Variants in SH2B3 observed in about 807,000 individuals in gnomAD.
SH2B3 encodes the protein SH2B adapter protein 3.
SH2B3 carries 43 observed loss-of-function variants against 51.9 expected under a neutral mutation model. The ratio of observed to expected loss-of-function variants is 0.83; its 90% CI spans 0.65 to 1.07. SH2B3 has a LOEUF of 1.07. Among genes scored for constraint, SH2B3 ranks in the 50% least tolerant of loss-of-function variants. SH2B3 has a pLI of 0.00. For missense variants in SH2B3, 952 were observed against 834.3 expected (o/e 1.14, Z -1.74); for synonymous variants, 396 against 376.0 (o/e 1.05, Z -0.62).
chr12:111,430,352 G>A (rs1872372376), intron 2 of SH2B3, among the ~76,000 whole-genome samples: 1 of 152,162 alleles, frequency 6.6e-6, no homozygotes, highest in Non-Finnish European at 1.5e-5. Flanking sequence ...ATGGTATCGG[G>A]GCGCTTCCTT....
At chr12:111,417,925 C>G (rs1459297175) in intron 1 of SH2B3, among the ~76,000 whole-genome samples, 194 bp from the exon 2 acceptor site, 1 of 152,194 alleles carries the variant, frequency 6.6e-6, no homozygotes, top group African/African-American at 2.4e-5. Flanking sequence ...AGTCTAGAAT[C>G]AATTCTGCCA....
intron 2 of SH2B3, among the ~76,000 whole-genome samples, chr12:111,425,758 C>T (rs575114449): frequency 4.6e-5 from 7 of 152,232 alleles, no homozygotes; most frequent in South Asian, 4.1e-4. Flanking sequence ...AGCTCAGGCC[C>T]GCGATGGGAG....
rs1269751944 is a variant in SH2B3 at position 111,449,375 on chromosome 12, C to CT, written c.*1079dup. 6.6e-6 allele frequency: 1 copy of CT among 152,184 alleles called. No individual in the cohort carries two copies. 9.4% of individuals were successfully genotyped at this position (152,184 alleles called of 1,614,324 possible). ...TATCCCACAAGTGGGTTTTAGGCTC[C>CT]TTTTTTGAGCCAAAATGGAAGCTGG... On this transcript the variant is annotated 3_prime_UTR_variant, in exon 8 of 8. Transcript: ENST00000341259.
chr12:111,422,261 A>G (rs572005052), intron 2 of SH2B3, among the ~76,000 whole-genome samples: 1 of 151,934 alleles, frequency 6.6e-6, no homozygotes, highest in African/African-American at 2.4e-5. Context: ...TTGTATTTTT[A>G]GTAGAAATGG....
chr12:111,418,534 C>T lies in SH2B3; in HGVS notation c.389C>T (p.Pro130Leu), dbSNP rs1382417061. 19 of 1,427,254 alleles carry T rather than the reference C, an allele frequency of 1.3e-5. No individual in the cohort carries two copies. The highest frequency in any genetic ancestry group is 1.6e-5 in the Non-Finnish European group (18 of 1,092,332). The allele number at this position is 1,427,254 out of a possible 1,614,324, so 88.4% of individuals were successfully genotyped here. A position where few individuals can be genotyped will look rare whatever the true frequency, so the allele number is the denominator to read the frequency against. The change falls in exon 2 of 8, where the codon CCC (proline) becomes CTC (leucine). Residue 130 changes from proline (P) to leucine (L), a missense_variant. Pro to Leu is a moderately conservative substitution (Grantham distance 98, BLOSUM62 -3). Transcript: ENST00000341259. The surrounding 1 kb of genome is among the most constrained non-coding windows in gnomAD (Gnocchi z 6.7). ...SSEELAPPRP[P>L]GPCSFQHFRR... ...GAGGAGCTGGCCCCGCCGCGGCCGC[C>T]CGGGCCCTGCTCCTTCCAGCACTTT...
At chr12:111,419,367 T>TG (rs1375307589) in intron 2 of SH2B3, among the ~76,000 whole-genome samples, 1 of 152,030 alleles carries the variant, frequency 6.6e-6, no homozygotes, top group Non-Finnish European at 1.5e-5. Context: ...CCAGGTGCAG[T>TG]GGGTCACGCC....
rs1442445134 is a variant in SH2B3 at position 111,446,746 on chromosome 12, C to T, written c.733-7C>T. The T allele has an allele frequency of 7.2e-6, 11 of 1,517,614 alleles. No individual in the cohort carries two copies. In the Admixed American group the frequency reaches 8.4e-5, roughly 12 times the overall value. The allele number at this position is 1,517,614 out of a possible 1,614,324, so 94.0% of individuals were successfully genotyped here. A position where few individuals can be genotyped will look rare whatever the true frequency, so the allele number is the denominator to read the frequency against. On this transcript the variant is annotated splice_region_variant and splice_polypyrimidine_tract_variant and intron_variant, in intron 2 of 7. Coordinates refer to ENST00000341259, the MANE Select transcript of SH2B3 (RefSeq NM_005475.3). ...CAAGCCTTGAGTACCCCAACTTGGT[C>T]TCGTAGAGTTCAAGGCCCAAGCTAC... is the stretch of plus-strand genomic sequence containing the variant.
At chr12:111,427,888 G>A (rs1012415302) in intron 2 of SH2B3, among the ~76,000 whole-genome samples, 4 of 152,232 alleles carry the variant, frequency 2.6e-5, no homozygotes, top group African/African-American at 7.2e-5. Flanking sequence ...GGGTAGCTGC[G>A]CCATTAGGCC....
At chr12:111,414,969 T>C (rs1870974733) in intron 1 of SH2B3, among the ~76,000 whole-genome samples, 1 of 152,164 alleles carries the variant, frequency 6.6e-6, no homozygotes, top group African/African-American at 2.4e-5. Flanking sequence ...CGTGTCCCCC[T>C]TTGTAATGTG....
chr12:111,443,020 C>G (rs547033882), intron 2 of SH2B3, among the ~76,000 whole-genome samples: 8 of 152,370 alleles, frequency 5.3e-5, no homozygotes, highest in Admixed American at 3.9e-4. Context: ...CATCCTGGCC[C>G]TATAAATGTT....
At chr12:111,419,040 A>G (rs981865868) in intron 2 of SH2B3, among the ~76,000 whole-genome samples, 163 bp downstream of exon 2, 2 of 152,316 alleles carry the variant, frequency 1.3e-5, no homozygotes, top group South Asian at 2.1e-4. Context: ...GCCGAGTGCA[A>G]TGGCTTATGC....
chr12:111,447,007 T>G lies in SH2B3; in HGVS notation c.900T>G (p.Ala300=). The change falls in exon 4 of 8, where the codon GCT becomes GCG. Residue 300 remains alanine, a synonymous_variant. Coordinates refer to ENST00000341259, the MANE Select transcript of SH2B3 (RefSeq NM_005475.3). ...AGCAGCAGCTGAATTCATGGATGGC[T>G]GAGCTCTCGGAGTGCACAGGCCGAG... ...GDEQQLNSWM[A]ELSECTGRGL... is the part of the protein sequence containing the mutation. 6.2e-7 allele frequency: 1 copy of G among 1,614,070 alleles called. No homozygotes were observed.
intron 2 of SH2B3, among the ~76,000 whole-genome samples, chr12:111,439,792 G>A (rs918809012): frequency 6.6e-6 from 1 of 152,218 alleles, no homozygotes; most frequent in African/African-American, 2.4e-5. Flanking sequence ...TGGGACAGAT[G>A]GCAGTTTTTG....
rs3184504 is a variant in SH2B3, at chr12:111,446,804, T to C, written c.784T>C (p.Trp262Arg). The C allele has an allele frequency of 0.58, 912,130 of 1,570,508 alleles. 282,793 individuals are homozygous for C. Among genetic ancestry groups the C allele is most frequent in the East Asian group, 1 (44,397 of 44,432 alleles). Residue 262 changes from tryptophan (W) to arginine (R), a missense_variant, in exon 3 of 8, where the codon TGG becomes CGG. By Grantham distance (101) the Trp-to-Arg change is moderately radical (BLOSUM62 -3). Coordinates refer to ENST00000341259, the MANE Select transcript of SH2B3 (RefSeq NM_005475.3). ...AACSSIQEVR[W>R]CTRLEMPDNL... ...TTGCTCCAGCATCCAGGAGGTCCGGTGGTGCACACGGCTTGAGATGCCTGA... is the reference window on the plus strand; with the variant it reads ...TTGCTCCAGCATCCAGGAGGTCCGGCGGTGCACACGGCTTGAGATGCCTGA...
chr12:111,422,563 G>GT (rs771165348), intron 2 of SH2B3, among the ~76,000 whole-genome samples: 346 of 144,414 alleles, frequency 2.4e-3, no homozygotes, highest in Middle Eastern at 3.6e-3. Flanking sequence ...AAGCAGTTTT[G>GT]TTTTTTTTTT....
chr12:111,451,226 A>G lies in SH2B3; in HGVS notation c.*2924A>G, dbSNP rs1415799069. ...GGAAAAAGGAATAGCAATCATTAAAATCTTGGGCCAGAGAACACTATTTTT... is the reference window on the plus strand; with the variant it reads ...GGAAAAAGGAATAGCAATCATTAAAGTCTTGGGCCAGAGAACACTATTTTT... On this transcript the variant is annotated 3_prime_UTR_variant, in exon 8 of 8. Coordinates refer to ENST00000341259, the MANE Select transcript of SH2B3 (RefSeq NM_005475.3). The G allele has an allele frequency of 6.6e-6, 1 of 152,670 alleles. No individual in the cohort carries two copies. Among genetic ancestry groups the G allele is most frequent in the East Asian group, 1.9e-4 (1 of 5,198 alleles). 9.5% of individuals were successfully genotyped at this position (152,670 alleles called of 1,614,324 possible).
At position 111,429,518 on chromosome 12, in the gene SH2B3, G is replaced by A. The variant is rs976857744; in HGVS notation, c.732+10641G>A. ...CGCTAATTTTTCTGTATTATTAGTAGAGACGCGGTTTCGCCATGTTGGCCA... is the reference window on the plus strand; with the variant it reads ...CGCTAATTTTTCTGTATTATTAGTAAAGACGCGGTTTCGCCATGTTGGCCA... On this transcript the variant is annotated intron_variant, in intron 2 of 7. Transcript: ENST00000341259. The surrounding 1 kb of genome is among the most constrained non-coding windows in gnomAD (Gnocchi z 4.4). Among the ~76,000 whole-genome samples the A allele has an allele frequency of 1.3e-5, 2 of 152,178 alleles. No individual in the cohort carries two copies. The highest frequency in any genetic ancestry group is 4.8e-5 in the African/African-American group (2 of 41,434).
chr12:111,434,608 G>T (rs758606685), intron 2 of SH2B3: 1 of 196,466 alleles, frequency 5.1e-6, no homozygotes, highest in African/African-American at 2.4e-5. Context: ...AAAATCCAGT[G>T]ATCTTCGCCT....
rs532409980 is a variant in SH2B3 at position 111,414,126 on chromosome 12, C to A, written c.-27-3993C>A. On this transcript the variant is annotated intron_variant, in intron 1 of 7. Transcript: ENST00000341259. ...AGTAGGATTGACCAAGAACAGGTGCCCTTATGCAGGGGTTAGACCCTCCCC... is the reference window on the plus strand; with the variant it reads ...AGTAGGATTGACCAAGAACAGGTGCACTTATGCAGGGGTTAGACCCTCCCC... 2.8e-3 allele frequency among the ~76,000 whole-genome samples: 423 copies of A among 152,306 alleles called. 4 individuals carry two copies. Among genetic ancestry groups the A allele is most frequent in the African/African-American group, 9.6e-3 (400 of 41,562 alleles).
Sources: allele counts gnomAD v4.1 joint callset (sites outside exome capture counted in the v4.1 genomes callset), GRCh38; gene constraint gnomAD v4.1.1; non-coding constraint Gnocchi (gnomAD v3.1); transcripts MANE v1.5; gene names NCBI Gene and HGNC (gene_info 2026-07-23, HGNC 2026-07-21).